Variants in KANSL1L observed in about 807,000 individuals in gnomAD.
KANSL1L encodes KAT8 regulatory NSL complex subunit 1-like protein.
KANSL1L carries 25 observed loss-of-function variants against 108.6 expected under a neutral mutation model. The ratio of observed to expected loss-of-function variants is 0.23; its 90% CI spans 0.17 to 0.32. KANSL1L has a LOEUF of 0.32. Ranked by LOEUF, KANSL1L falls within the 10% of genes least tolerant of loss-of-function variation. The pLI is 1.00. For missense variants in KANSL1L, 1,137 were observed against 1,125.7 expected, an observed-to-expected ratio of 1.01 and a Z score of -0.14; for synonymous variants, 405 against 395.1, an observed-to-expected ratio of 1.03 and a Z score of -0.30.
intron 1 of KANSL1L, among the ~76,000 whole-genome samples, chr2:210,156,250 A>T (rs895131994): frequency 1.1e-4 from 17 of 150,712 alleles, no homozygotes; most frequent in Admixed American, 2.0e-4. Context: ...ACTGATAAAA[A>T]TTTTTTTTTT....
At chr2:210,086,424 C>G (rs769291707) in intron 5 of KANSL1L, among the ~76,000 whole-genome samples, 5 of 151,384 alleles carry the variant, frequency 3.3e-5, no homozygotes, top group Non-Finnish European at 5.9e-5. Context: ...TGTTTGAAGA[C>G]TCAATCTTCT....
intron 2 of KANSL1L, chr2:210,151,730 T>C (rs1297564933): frequency 1.3e-5 from 2 of 152,330 alleles, no homozygotes; most frequent in South Asian, 2.1e-4. Context: ...AGATATCATA[T>C]GTTAAATAAC....
At chr2:210,154,682 C>A in intron 1 of KANSL1L, 71 bp from the exon 2 acceptor site, 1 of 857,212 alleles carries the variant, frequency 1.2e-6, no homozygotes, top group East Asian at 2.9e-5. Flanking sequence ...TTTCTAAGGG[C>A]AACATGTTCA....
chr2:210,103,568 A>G (rs2094817067), intron 4 of KANSL1L, among the ~76,000 whole-genome samples: 1 of 152,198 alleles, frequency 6.6e-6, no homozygotes, highest in African/African-American at 2.4e-5. Context: ...TACAGGATAG[A>G]CTGGCCAGAA....
chr2:210,065,961 G>A (rs1015623061), intron 6 of KANSL1L, among the ~76,000 whole-genome samples: 4 of 152,118 alleles, frequency 2.6e-5, no homozygotes, highest in African/African-American at 9.7e-5. Flanking sequence ...TGAGACATCA[G>A]GGGTCTTGGA....
At chr2:210,149,725 G>A (rs2095289079) in intron 2 of KANSL1L, among the ~76,000 whole-genome samples, 1 of 151,888 alleles carries the variant, frequency 6.6e-6, no homozygotes, top group African/African-American at 2.4e-5. Context: ...ATAAAGTTAT[G>A]TCATTTGCTC....
In KANSL1L at chr2:210,154,003, G is replaced by A; in HGVS notation, c.580C>T (p.His194Tyr). The A allele has an allele frequency of 1.2e-6, 2 of 1,613,804 alleles. No individual in the cohort carries two copies. The highest frequency in any genetic ancestry group is 1.7e-6 in the Non-Finnish European group (2 of 1,179,990). Residue 194 changes from histidine to tyrosine, a missense_variant, in exon 2 of 15, where the codon CAC (histidine) becomes TAC (tyrosine). By Grantham distance (83) the His-to-Tyr change is moderately conservative. This residue lies in a region of KANSL1L where 556 missense variants were observed against 537.7 expected (regional missense o/e 1.03). Coordinates refer to ENST00000281772, the MANE Select transcript of KANSL1L (RefSeq NM_152519.4). ...GGTACAATTTTCTTTTGAGTACAGT[G>A]CAATAAACCCTTTTTAATCTCAGCA... ...TDAEIKKGLL[H>Y]CTQKKIVPGH...
At chr2:210,119,621 T>G (rs916338708) in intron 3 of KANSL1L, among the ~76,000 whole-genome samples, 1 of 152,114 alleles carries the variant, frequency 6.6e-6, no homozygotes, top group African/African-American at 2.4e-5. Flanking sequence ...TGAAACAGTG[T>G]TTAAGAAAAT....
chr2:210,084,909 C>T (rs1024486785), intron 5 of KANSL1L, among the ~76,000 whole-genome samples: 1 of 151,166 alleles, frequency 6.6e-6, no homozygotes, highest in Admixed American at 6.6e-5. Flanking sequence ...CATGCCCAGC[C>T]TTTTTTTTTC....
chr2:210,170,526 G>T, intron 1 of KANSL1L: 1 of 253,264 alleles, frequency 3.9e-6, no homozygotes, highest in Non-Finnish European at 6.2e-6. Flanking sequence ...ACTTTTTCCA[G>T]CAAGACCGGT....
rs538823462 is a variant in KANSL1L at position 210,057,411 on chromosome 2, A to T, written c.1756-13307T>A. On this transcript the variant is annotated intron_variant, in intron 6 of 14. Transcript: ENST00000281772. ...AAGTGAGAGTCTTTCTCAAAAAAAC[A>T]AACAATAGGGCCGGGCGCTGTGGCT... Among the ~76,000 whole-genome samples the T allele has an allele frequency of 4.6e-5, 7 of 152,228 alleles. No individual in the cohort carries two copies. The South Asian group carries it at 8.3e-4, about 18-fold the overall frequency.
In KANSL1L at chr2:210,162,222, GTATATATA is replaced by G. The variant is rs71043976; in HGVS notation, c.-29-7619_-29-7612del. Among the ~76,000 whole-genome samples the G allele has an allele frequency of 3.7e-3, 398 of 107,496 alleles. 6 individuals are homozygous for G. Among genetic ancestry groups the G allele is most frequent in the East Asian group, 0.018 (69 of 3,844 alleles). The allele number at this position is 107,496 out of a possible 152,430, so 70.5% of individuals were successfully genotyped here. ...ATTACCCCCAAATTTAGTGGTTCAG[GTATATATA>G]TATATATATATATGTATATCAATAA... On this transcript the variant is annotated intron_variant, in intron 1 of 14. Coordinates refer to ENST00000281772, the MANE Select transcript of KANSL1L (RefSeq NM_152519.4).
intron 5 of KANSL1L, among the ~76,000 whole-genome samples, chr2:210,079,642 A>ATGTATGTG (rs1247375426): frequency 9.3e-4 from 6 of 6,484 alleles, no homozygotes; most frequent in Non-Finnish European, 4.1e-3. Context: ...ATATATATAT[A>ATGTATGTG]TATATATATA....
chr2:210,067,155 C>G (rs74836218), intron 6 of KANSL1L, among the ~76,000 whole-genome samples: 2,562 of 152,224 alleles, frequency 0.017, 77 homozygotes, highest in African/African-American at 0.059. Context: ...TCCTCCTCCC[C>G]CTGGTTCTAG....
rs183290254 is a variant in KANSL1L at position 210,123,474 on chromosome 2, A to G, written c.1230+5557T>C. 3.3e-5 allele frequency among the ~76,000 whole-genome samples: 5 copies of G among 152,234 alleles called. No individual in the cohort carries two copies. In the East Asian group the frequency reaches 9.7e-4, roughly 29 times the overall value. Reference sequence around the variant, plus strand: ...GTTCTCACTTGTTTGTAGGAGCTTAAAAAATTAAAACAATTGAACTCATGG... The same window carrying G: ...GTTCTCACTTGTTTGTAGGAGCTTAGAAAATTAAAACAATTGAACTCATGG... On this transcript the variant is annotated intron_variant, in intron 3 of 14. Coordinates refer to ENST00000281772, the MANE Select transcript of KANSL1L (RefSeq NM_152519.4).
intron 5 of KANSL1L, chr2:210,079,966 A>G (rs2094576623): frequency 6.6e-6 from 1 of 151,552 alleles, no homozygotes; most frequent in Non-Finnish European, 1.5e-5. Context: ...ATACCTTTCT[A>G]TATTTCCCTG....
intron 5 of KANSL1L, among the ~76,000 whole-genome samples, chr2:210,093,442 G>A (rs2094709701): frequency 6.6e-6 from 1 of 152,048 alleles, no homozygotes; most frequent in Admixed American, 6.6e-5. Flanking sequence ...AATCTCAACT[G>A]GCCTGATTTA....
At chr2:210,154,706 G>A (rs2095323864) in intron 1 of KANSL1L, 95 bp from the exon 2 acceptor site, 2 of 596,146 alleles carry the variant, frequency 3.4e-6, no homozygotes, top group African/African-American at 1.9e-5. Context: ...TTTCTGATTA[G>A]AACATGAAGG....
intron 1 of KANSL1L, among the ~76,000 whole-genome samples, chr2:210,161,958 C>T (rs2095363417): frequency 6.6e-6 from 1 of 150,926 alleles, no homozygotes. Context: ...TGCATGGTGG[C>T]TCATGCCTGT....
Sources: gnomAD v4.1 joint callset for allele counts (sites outside exome capture counted in the v4.1 genomes callset) on GRCh38, gnomAD v4.1.1 for gene constraint, gnomAD v4.1.1 regional missense constraint, MANE v1.5 for transcripts, NCBI Gene and HGNC (gene_info 2026-07-23, HGNC 2026-07-21) for gene names.